The following UNC5A variants were observed in gnomAD, a reference collection of about 807,000 sequenced individuals.
The protein encoded by UNC5A is netrin receptor UNC5A.
In UNC5A, 20 loss-of-function variants were observed where a neutral mutation model predicts 87.4. The observed-to-expected ratio is 0.23, with a 90% CI of 0.16 to 0.33. The LOEUF (loss-of-function observed/expected upper bound fraction) is 0.33, where lower values mean the gene tolerates loss of function less well. Ranked by LOEUF, UNC5A falls within the 10% of genes least tolerant of loss-of-function variation. UNC5A has a pLI of 1.00. For missense variants in UNC5A, 844 were observed against 1,133.4 expected, an observed-to-expected ratio of 0.74 and a Z score of 3.67; for synonymous variants, 438 against 482.3, an observed-to-expected ratio of 0.91 and a Z score of 1.20.
At chr5:176,823,176 G>C (rs372977882) in intron 1 of UNC5A, among the ~76,000 whole-genome samples, 42 of 147,118 alleles carry the variant, frequency 2.9e-4, no homozygotes, top group East Asian at 2.2e-3. Context: ...TGCTGCATGT[G>C]GGGGGGCGAG....
intron 1 of UNC5A, among the ~76,000 whole-genome samples, chr5:176,845,663 C>T (rs1248447192): frequency 2.0e-5 from 3 of 152,214 alleles, no homozygotes; most frequent in Admixed American, 2.0e-4. Context: ...CAGACAGCCC[C>T]TCTGCTCCTG....
At position 176,833,732 on chromosome 5, in the gene UNC5A, C is replaced by T. The variant is rs186093964; in HGVS notation, c.70+22912C>T. On this transcript the variant is annotated intron_variant, in intron 1 of 14. Transcript: ENST00000329542. The stretch of plus-strand genomic sequence containing the variant: ...TTCTTTCTTTTTTTTTTTTTTGAGA[C>T]GGAGTCTTGCTCTGTCGCCAGGCTG... Among the ~76,000 whole-genome samples the T allele has an allele frequency of 2.9e-3, 412 of 144,486 alleles. 15 individuals are homozygous for T. In the East Asian group the frequency reaches 0.066, roughly 23 times the overall value. The allele number at this position is 144,486 out of a possible 152,430, so 94.8% of individuals were successfully genotyped here.
chr5:176,859,895 C>T (rs147587589), intron 1 of UNC5A, among the ~76,000 whole-genome samples: 11 of 152,356 alleles, frequency 7.2e-5, no homozygotes, highest in East Asian at 5.8e-4. Context: ...AAATGCCCCC[C>T]GGGGCCACTG....
intron 10 of UNC5A, 76 bp downstream of exon 10, chr5:176,877,779 G>C: frequency 1.1e-5 from 16 of 1,523,544 alleles, no homozygotes; most frequent in Non-Finnish European, 1.4e-5. Context: ...TCCACCGCTG[G>C]GTGGTCCTGA....
rs543014718 is a variant in UNC5A, at chr5:176,844,113, G to A, written c.71-18511G>A. ...CCCTGAGACATGGAAACGAGTGGAG[G>A]GCTGGAGAGAGTTCAGCAAACGGGG... On this transcript the variant is annotated intron_variant, in intron 1 of 14. Coordinates refer to ENST00000329542, the MANE Select transcript of UNC5A (RefSeq NM_133369.3). This position sits in a 1 kb window ranked among gnomAD's most constrained non-coding sequence, Gnocchi z 4.2. 6.6e-6 allele frequency among the ~76,000 whole-genome samples: 1 copy of A among 152,228 alleles called. No individual in the cohort carries two copies. The highest frequency in any genetic ancestry group is 1.5e-5 in the Non-Finnish European group (1 of 68,034).
At chr5:176,868,353 A>G in intron 3 of UNC5A, 80 bp downstream of exon 3, 1 of 1,589,252 alleles carries the variant, frequency 6.3e-7, no homozygotes, top group Non-Finnish European at 8.6e-7. Context: ...GCTTCCTGGA[A>G]GAGGCGGTCC....
chr5:176,870,165 C>T (rs1758074689), intron 5 of UNC5A, among the ~76,000 whole-genome samples: 2 of 152,308 alleles, frequency 1.3e-5, no homozygotes, highest in Middle Eastern at 3.4e-3. Context: ...TGGCGTCATC[C>T]GCGCCTCCCT....
At chr5:176,830,963 TGTGTGTGCTG>T (rs1757007611) in intron 1 of UNC5A, among the ~76,000 whole-genome samples, 1 of 149,626 alleles carries the variant, frequency 6.7e-6, no homozygotes, top group Non-Finnish European at 1.5e-5. Flanking sequence ...TGCCGGCGTG[TGTGTGTGCTG>T]GTGTGTGTGT....
In UNC5A at chr5:176,824,347, T is replaced by C. The variant is rs1756801233; in HGVS notation, c.70+13527T>C. ...GTCCCTGCAGCTTTTCTCAGTCCTG[T>C]GAGCTGCTGTTAACAGCCTTCCTGG... On this transcript the variant is annotated intron_variant, in intron 1 of 14. Transcript: ENST00000329542. The surrounding 1 kb of genome is among the most constrained non-coding windows in gnomAD (Gnocchi z 4.2). 6.6e-6 allele frequency among the ~76,000 whole-genome samples: 1 copy of C among 152,118 alleles called. No individual in the cohort carries two copies. Among genetic ancestry groups the C allele is most frequent in the Non-Finnish European group, 1.5e-5 (1 of 68,010 alleles).
chr5:176,814,160 C>G (rs1017708379), intron 1 of UNC5A, among the ~76,000 whole-genome samples: 1 of 152,194 alleles, frequency 6.6e-6, no homozygotes, highest in African/African-American at 2.4e-5. Context: ...CCATCCCCCT[C>G]GGGCCTCCTC....
At chr5:176,829,365 AT>A in intron 1 of UNC5A, among the ~76,000 whole-genome samples, 1 of 138,930 alleles carries the variant, frequency 7.2e-6, no homozygotes, top group African/African-American at 2.8e-5. Context: ...GGATGGATGG[AT>A]GGATAAAGTG....
Position 176,875,486 on chromosome 5 carries a change from C to A in UNC5A, c.1378+920C>A, listed in dbSNP as rs772203309. Among the ~76,000 whole-genome samples the A allele has an allele frequency of 7.2e-5, 11 of 152,112 alleles. No homozygotes were observed. The highest frequency in any genetic ancestry group is 1.6e-4 in the Non-Finnish European group (11 of 68,020). On this transcript the variant is annotated intron_variant, in intron 8 of 14. Transcript: ENST00000329542. The surrounding 1 kb of genome is among the most constrained non-coding windows in gnomAD (Gnocchi z 5.2). ...TCTCTTGCCCCCCGCCAGCTTCAGT[C>A]CCACGCCAGTCCCTCCTCAATAGCT...
At chr5:176,839,125 C>T (rs1469445778) in intron 1 of UNC5A, among the ~76,000 whole-genome samples, 4 of 152,206 alleles carry the variant, frequency 2.6e-5, no homozygotes, top group Non-Finnish European at 5.9e-5. Flanking sequence ...ATGCCCTGTG[C>T]CACCTTCCAG....
At chr5:176,842,944 C>G (rs772329789) in intron 1 of UNC5A, among the ~76,000 whole-genome samples, 11 of 151,954 alleles carry the variant, frequency 7.2e-5, no homozygotes, top group Non-Finnish European at 1.0e-4. Flanking sequence ...GGTGGATCAC[C>G]TGGGGTCAGG....
intron 1 of UNC5A, among the ~76,000 whole-genome samples, chr5:176,835,494 C>T (rs1198189673): frequency 1.3e-5 from 2 of 152,228 alleles, no homozygotes; most frequent in Non-Finnish European, 2.9e-5. Context: ...TCCAGATGCT[C>T]CAGAGCCTCC....
rs371535533 is a variant in UNC5A at position 176,878,146 on chromosome 5, C to A, written c.1869+19C>A. The A allele has an allele frequency of 3.1e-6, 5 of 1,604,476 alleles. No homozygotes were observed. The highest frequency in any genetic ancestry group is 4.2e-6 in the Non-Finnish European group (5 of 1,177,752). ...ACTCAAGGTATCTCCCGCCCCTCACCCCCCGCCGCTGGGAGGCCGAGCTAT... is the reference window on the plus strand; with the variant it reads ...ACTCAAGGTATCTCCCGCCCCTCACACCCCGCCGCTGGGAGGCCGAGCTAT... On this transcript the variant is annotated intron_variant, in intron 11 of 14. Coordinates refer to ENST00000329542, the MANE Select transcript of UNC5A (RefSeq NM_133369.3).
At chr5:176,835,000 G>C (rs1054392132) in intron 1 of UNC5A, among the ~76,000 whole-genome samples, 5 of 152,258 alleles carry the variant, frequency 3.3e-5, no homozygotes, top group African/African-American at 9.6e-5. Context: ...GTGCCAGGTG[G>C]CTGTGGGAGA....
rs369222384 is a variant in UNC5A at position 176,874,214 on chromosome 5, G to A, written c.1076-50G>A. On this transcript the variant is annotated intron_variant, in intron 7 of 14. Coordinates refer to ENST00000329542, the MANE Select transcript of UNC5A (RefSeq NM_133369.3). The surrounding 1 kb of genome is among the most constrained non-coding windows in gnomAD (Gnocchi z 7.6). ...CCAGCTCCCACGCCAAGGGCTGCTG[G>A]GGCAGGGATGCCCTAGGTGCCATTG... 7 of 1,594,676 alleles carry A rather than the reference G, an allele frequency of 4.4e-6. No individual in the cohort carries two copies. In the African/African-American group the frequency reaches 8.1e-5, roughly 18 times the overall value.
chr5:176,870,696 T>C, intron 6 of UNC5A, 162 bp downstream of exon 6: 1 of 808,912 alleles, frequency 1.2e-6, no homozygotes, highest in Non-Finnish European at 1.8e-6. Context: ...TACCTGCACA[T>C]GGGCCCAGGC....
Sources: allele counts gnomAD v4.1 joint callset (sites outside exome capture counted in the v4.1 genomes callset), GRCh38; gene constraint gnomAD v4.1.1; non-coding constraint Gnocchi (gnomAD v3.1); transcripts MANE v1.5; gene names NCBI Gene and HGNC (gene_info 2026-07-23, HGNC 2026-07-21).